The following CNOT10 variants were observed in gnomAD, a reference collection of about 807,000 sequenced individuals.
The protein encoded by CNOT10 is CCR4-NOT transcription complex, subunit 10.
In CNOT10, 30 loss-of-function variants were observed where a neutral mutation model predicts 94.6. That is an observed-to-expected ratio of 0.32 (90% CI 0.24 to 0.43). The LOEUF is 0.43. CNOT10 is among the 20% of genes least tolerant of loss of function. The pLI is 1.00. For missense variants in CNOT10, 759 were observed against 877.2 expected (o/e 0.87, Z 1.70); for synonymous variants, 289 against 301.6 (o/e 0.96, Z 0.43).
intron 1 of CNOT10, among the ~76,000 whole-genome samples, chr3:32,696,736 T>C: frequency 6.6e-6 from 1 of 152,040 alleles, no homozygotes; most frequent in East Asian, 1.9e-4. Context: ...GTAGCAGGAC[T>C]ACGGGCATGT....
At position 32,703,013 on chromosome 3, in the gene CNOT10, G is replaced by A. The variant is rs537630874; in HGVS notation, c.23-855G>A. On this transcript the variant is annotated intron_variant, in intron 1 of 18. Coordinates refer to ENST00000328834, the MANE Select transcript of CNOT10 (RefSeq NM_015442.3). ...TGCAAGCTCCACCTCCCAGGTTCAC[G>A]CCATTCTCCCGCCTCAGTCTCCCAA... is the stretch of plus-strand genomic sequence containing the variant. 6.7e-5 allele frequency among the ~76,000 whole-genome samples: 10 copies of A among 149,918 alleles called. No homozygotes were observed. In the East Asian group the frequency reaches 9.8e-4, roughly 15 times the overall value.
At chr3:32,717,079 G>A (rs1036111206) in intron 6 of CNOT10, 75 bp from the exon 7 acceptor site, 3 of 817,266 alleles carry the variant, frequency 3.7e-6, no homozygotes, top group East Asian at 5.2e-5. Flanking sequence ...AATAGATTGG[G>A]TTTTCTTAAC....
At chr3:32,762,657 A>G (rs984564155) in intron 14 of CNOT10, 76 bp from the exon 15 acceptor site, 32 of 1,411,082 alleles carry the variant, frequency 2.3e-5, no homozygotes, top group Non-Finnish European at 2.9e-5. Context: ...ATAACATAAT[A>G]TACCCAGCAT....
intron 13 of CNOT10, among the ~76,000 whole-genome samples, chr3:32,750,244 C>T (rs981110516): frequency 3.3e-5 from 5 of 152,054 alleles, no homozygotes; most frequent in African/African-American, 1.2e-4. Context: ...CCTGTAATCC[C>T]AGCACTGTGG....
chr3:32,711,134 C>T (rs369537331), intron 4 of CNOT10, among the ~76,000 whole-genome samples: 13 of 152,074 alleles, frequency 8.5e-5, no homozygotes, highest in African/African-American at 3.1e-4. Context: ...AACTCTTTAC[C>T]CCCGTTAAGC....
Position 32,764,675 on chromosome 3 carries a change from T to C in CNOT10, c.1877-7T>C. 1.2e-6 allele frequency: 2 copies of C among 1,613,682 alleles called. No homozygotes were observed. The highest frequency in any genetic ancestry group is 1.7e-6 in the Non-Finnish European group (2 of 1,179,870). ...TCTTCACCAGTGTCTACACTCTTTT[T>C]CCCCAGCTGGTAAGCGGGCCCCTCA... On this transcript the variant is annotated splice_region_variant and splice_polypyrimidine_tract_variant and intron_variant, in intron 16 of 18. Transcript: ENST00000328834.
At chr3:32,699,001 G>T (rs1274620098) in intron 1 of CNOT10, among the ~76,000 whole-genome samples, 1 of 152,086 alleles carries the variant, frequency 6.6e-6, no homozygotes, top group African/African-American at 2.4e-5. Flanking sequence ...GCCCAGACTG[G>T]TCTTGAACTC....
At chr3:32,731,714 C>G (rs1045821045) in intron 10 of CNOT10, among the ~76,000 whole-genome samples, 1 of 152,202 alleles carries the variant, frequency 6.6e-6, no homozygotes, top group African/African-American at 2.4e-5. Flanking sequence ...TGGGCTCTAG[C>G]GATCCACCCG....
At chr3:32,714,971 A>G (rs1698054734) in intron 5 of CNOT10, among the ~76,000 whole-genome samples, 1 of 152,162 alleles carries the variant, frequency 6.6e-6, no homozygotes, top group African/African-American at 2.4e-5. Flanking sequence ...ACTTTTTTCA[A>G]TTTAAGTGTG....
At chr3:32,716,616 A>G (rs1698133458) in intron 6 of CNOT10, among the ~76,000 whole-genome samples, 1 of 152,146 alleles carries the variant, frequency 6.6e-6, no homozygotes, top group African/African-American at 2.4e-5. Context: ...AAGAGGATTG[A>G]TAGGATTTTT....
At position 32,737,450 on chromosome 3, in the gene CNOT10, CCTT is replaced by C. The variant is rs780288800; in HGVS notation, c.1561_1563del (p.Ser521del). Reference sequence around the variant, plus strand: ...TGGAGATAAATTCATTCCAGCTCCACCTTCTTCTCCATTGAGAAAACAGGAATT... The same window carrying C: ...TGGAGATAAATTCATTCCAGCTCCACCTTCTCCATTGAGAAAACAGGAATT... On this transcript the variant is annotated inframe_deletion, in exon 13 of 19. Transcript: ENST00000328834. The C allele has an allele frequency of 3.1e-6, 5 of 1,612,028 alleles. No individual in the cohort carries two copies. The South Asian group carries it at 3.3e-5, about 11-fold the overall frequency.
At position 32,695,433 on chromosome 3, in the gene CNOT10, CT is replaced by C. The variant is rs942959882; in HGVS notation, c.23-8431del. ...TCCCTTTTTTCTTTGGAAAAGTTTT[CT>C]TTTCTTGATATATCAGTGGAGCTGT... On this transcript the variant is annotated intron_variant, in intron 1 of 18. Transcript: ENST00000328834. 5.6e-5 allele frequency: 40 copies of C among 715,332 alleles called. 1 individual carries two copies. Among genetic ancestry groups the C allele is most frequent in the Non-Finnish European group, 7.8e-5 (38 of 485,736 alleles). 44.3% of individuals were successfully genotyped at this position (715,332 alleles called of 1,614,324 possible). A position where few individuals can be genotyped will look rare whatever the true frequency, so the allele number is the denominator to read the frequency against.
At chr3:32,701,747 C>T (rs1343828830) in intron 1 of CNOT10, among the ~76,000 whole-genome samples, 6 of 152,096 alleles carry the variant, frequency 3.9e-5, no homozygotes, top group African/African-American at 9.7e-5. Flanking sequence ...AACCATAAGC[C>T]AATTAAACCT....
At chr3:32,704,060 A>G in intron 2 of CNOT10, 98 bp downstream of exon 2, 2 of 669,248 alleles carry the variant, frequency 3.0e-6, no homozygotes, top group South Asian at 4.5e-5. Flanking sequence ...TTTACTCTGT[A>G]ATAATTCAAA....
At chr3:32,695,619 T>C in intron 1 of CNOT10, 1 of 1,535,600 alleles carries the variant, frequency 6.5e-7, no homozygotes, top group Non-Finnish European at 8.7e-7. Flanking sequence ...CAATTGTTTA[T>C]TTAGAAATGA....
At chr3:32,726,476 C>T (rs1698668712) in intron 9 of CNOT10, among the ~76,000 whole-genome samples, 1 of 151,954 alleles carries the variant, frequency 6.6e-6, no homozygotes, top group African/African-American at 2.4e-5. Flanking sequence ...GGGCAGATCA[C>T]GAGGTCAGGA....
At chr3:32,749,870 C>G (rs1234324640) in intron 13 of CNOT10, among the ~76,000 whole-genome samples, 1 of 151,986 alleles carries the variant, frequency 6.6e-6, no homozygotes. Flanking sequence ...TACCTGTTCC[C>G]CCACATACCT....
chr3:32,737,182 G>A (rs1175541532), intron 12 of CNOT10, among the ~76,000 whole-genome samples: 2 of 152,036 alleles, frequency 1.3e-5, no homozygotes, highest in African/African-American at 2.4e-5. Context: ...GGGCGTGGTG[G>A]TGTGCGCCTG....
At position 32,747,015 on chromosome 3, in the gene CNOT10, G is replaced by T. The variant is rs1002546046; in HGVS notation, c.1595+9525G>T. On this transcript the variant is annotated intron_variant, in intron 13 of 18. Coordinates refer to ENST00000328834, the MANE Select transcript of CNOT10 (RefSeq NM_015442.3). ...ACCTGTAATCCCAGCTACACGGGGG[G>T]CTGAGGCAGGAGAATCACTTGAACC... Among the ~76,000 whole-genome samples, 16 of 152,058 alleles carry T rather than the reference G, an allele frequency of 1.1e-4. 1 individual carries two copies. The highest frequency in any genetic ancestry group is 1.0e-3 in the Admixed American group (16 of 15,242).
Sources: allele counts gnomAD v4.1 joint callset (sites outside exome capture counted in the v4.1 genomes callset), GRCh38; gene constraint gnomAD v4.1.1; transcripts MANE v1.5; gene names NCBI Gene and HGNC (gene_info 2026-07-23, HGNC 2026-07-21).